The following DERL2 variants were observed in gnomAD, a reference collection of about 807,000 sequenced individuals.
DERL2 encodes derlin-2.
DERL2 carries 13 observed loss-of-function variants against 32.0 expected under a neutral mutation model. That is an observed-to-expected ratio of 0.41 (90% CI 0.26 to 0.65). DERL2 has a LOEUF of 0.65. DERL2 is among the 30% of genes least tolerant of loss of function. The probability of loss-of-function intolerance (pLI) is 0.35; values close to 1 mark genes in which losing one functional copy is unlikely to be tolerated. For missense variants in DERL2, 208 were observed against 296.3 expected (o/e 0.70, Z 2.19); for synonymous variants, 111 against 104.7 (o/e 1.06, Z -0.37).
intron 6 of DERL2, among the ~76,000 whole-genome samples, chr17:5,476,932 G>A (rs79406992): frequency 0.017 from 2,623 of 152,270 alleles, 80 homozygotes; most frequent in African/African-American, 0.059. Context: ...ATGTTAGCCC[G>A]AGTAGGATGG....
At chr17:5,477,109 G>C (rs564944958) in intron 6 of DERL2, among the ~76,000 whole-genome samples, 2 of 152,268 alleles carry the variant, frequency 1.3e-5, no homozygotes, top group East Asian at 3.9e-4. Flanking sequence ...GGTTAGGACA[G>C]ATGGAAAGGG....
Position 5,485,192 on chromosome 17 carries a change from GA to G in DERL2, c.117del (p.Gln40SerfsTer8). ...ATTAATTCAGGATTGAAGTACAACT[GA>G]AAAGGTGTGATCAATTCCAACTGCT... is the stretch of plus-strand genomic sequence containing the variant. ...AAVQLELITP[F>X]QLYFNPELIF... is the part of the protein sequence containing the mutation. On this transcript the variant is annotated frameshift_variant, in exon 2 of 7. Transcript: ENST00000158771. LOFTEE classifies it high-confidence loss of function. 3 of 1,597,208 alleles carry G rather than the reference GA, an allele frequency of 1.9e-6. No individual in the cohort carries two copies. The highest frequency in any genetic ancestry group is 3.6e-5 in the Admixed American group (2 of 56,254).
upstream of DERL2, chr17:5,486,342 G>T: frequency 2.3e-6 from 1 of 425,734 alleles, no homozygotes. Context: ...CCAATCACGA[G>T]TTGCGTCGCC....
At chr17:5,480,774 T>C (rs1905724706) in intron 4 of DERL2, 192 bp from the exon 5 acceptor site, 2 of 476,890 alleles carry the variant, frequency 4.2e-6, no homozygotes, top group Non-Finnish European at 7.2e-6. Context: ...TTAGGCTAAA[T>C]TATCGAGATT....
chr17:5,486,355 C>CT, upstream of DERL2: 1 of 427,746 alleles, frequency 2.3e-6, no homozygotes, highest in African/African-American at 2.6e-5. Flanking sequence ...GCGTCGCCAC[C>CT]GCCCCCCCCC....
intron 3 of DERL2, 49 bp downstream of exon 3, chr17:5,482,760 T>A: frequency 9.3e-7 from 1 of 1,073,542 alleles, no homozygotes. Context: ...CTTAATTTTT[T>A]ACTTCCTAAG....
At chr17:5,480,225 T>C (rs1433482998) in intron 5 of DERL2, 81 bp from the exon 6 acceptor site, 1 of 1,231,708 alleles carries the variant, frequency 8.1e-7, no homozygotes, top group Non-Finnish European at 1.2e-6. Flanking sequence ...AAATTGCCTA[T>C]ATTTAGGATG....
chr17:5,477,231 A>G (rs1403537255), intron 6 of DERL2, among the ~76,000 whole-genome samples: 1 of 152,244 alleles, frequency 6.6e-6, no homozygotes, highest in Non-Finnish European at 1.5e-5. Context: ...ATTATGTTGA[A>G]TGAAAGAAGC....
intron 2 of DERL2, among the ~76,000 whole-genome samples, chr17:5,484,742 G>A (rs1906043033): frequency 6.6e-6 from 1 of 152,350 alleles, no homozygotes; most frequent in East Asian, 1.9e-4. Flanking sequence ...CCTAGGTGCT[G>A]AATGGACAAA....
At chr17:5,477,173 A>T (rs989518665) in intron 6 of DERL2, among the ~76,000 whole-genome samples, 4 of 152,248 alleles carry the variant, frequency 2.6e-5, no homozygotes, top group Non-Finnish European at 5.9e-5. Flanking sequence ...AGCAATAAAA[A>T]GGAACAAATT....
intron 5 of DERL2, 26 bp from the exon 6 acceptor site, chr17:5,480,170 G>A (rs780577695): frequency 2.0e-6 from 3 of 1,500,394 alleles, no homozygotes; most frequent in South Asian, 2.3e-5. Context: ...AATAAAGGAT[G>A]AGGGAGAGAA....
At chr17:5,479,496 TAAA>T (rs11306765) in intron 6 of DERL2, among the ~76,000 whole-genome samples, 73 of 69,412 alleles carry the variant, frequency 1.1e-3, no homozygotes, top group Non-Finnish European at 1.3e-3. Context: ...AGACTCCATG[TAAA>T]AAAAAAAAAA....
intron 6 of DERL2, among the ~76,000 whole-genome samples, chr17:5,479,177 G>A (rs1422312935): frequency 1.3e-5 from 2 of 152,266 alleles, no homozygotes. Context: ...CTGTTCACAG[G>A]CGCAATCATA....
chr17:5,486,203 T>G (rs1370530517), upstream of DERL2: 8 of 1,165,866 alleles, frequency 6.9e-6, no homozygotes, highest in Non-Finnish European at 8.8e-6. Flanking sequence ...CCACCCCATT[T>G]CCCCTTCCGC....
At position 5,483,337 on chromosome 17, in the gene DERL2, T is replaced by A. The variant is rs541074539; in HGVS notation, c.160-455A>T. Reference sequence around the variant, plus strand: ...AAAAGAAAGGAAAATTCTTTTTTTTTAAACTAAAACTTAAAAAAAAAAAAA... The same window carrying A: ...AAAAGAAAGGAAAATTCTTTTTTTTAAAACTAAAACTTAAAAAAAAAAAAA... On this transcript the variant is annotated intron_variant, in intron 2 of 6. Coordinates refer to ENST00000158771, the MANE Select transcript of DERL2 (RefSeq NM_016041.5). Among the ~76,000 whole-genome samples, 143 of 148,540 alleles carry A rather than the reference T, an allele frequency of 9.6e-4. 1 individual carries two copies. In the Middle Eastern group the frequency reaches 0.01, roughly 11 times the overall value.
rs937493714 is a variant in DERL2 at position 5,481,076 on chromosome 17, A to C, written c.327+220T>G. 1 of 597,756 alleles carries C rather than the reference A, an allele frequency of 1.7e-6. No homozygotes were observed. The highest frequency in any genetic ancestry group is 1.9e-5 in the African/African-American group (1 of 53,540). The allele number at this position is 597,756 out of a possible 1,614,324, so 37.0% of individuals were successfully genotyped here. On this transcript the variant is annotated intron_variant, in intron 4 of 6. Transcript: ENST00000158771. The surrounding 1 kb of genome is among the most constrained non-coding windows in gnomAD (Gnocchi z 4.4). ...AAGTACGCCAAGCAGTAATGATATAACTGAGTTGCTTAACAGTAACCCACC... is the reference window on the plus strand; with the variant it reads ...AAGTACGCCAAGCAGTAATGATATACCTGAGTTGCTTAACAGTAACCCACC...
chr17:5,480,512 C>T lies in DERL2; in HGVS notation c.398G>A (p.Ser133Asn). ...AFTIMLVYVW[S>N]RRNPYVRMNF... ...CATGCGGACATAGGGGTTCCTTCGG[C>T]TCCACACATAGACGAGCATTATTGT... Residue 133 changes from serine (S) to asparagine (N), a missense_variant, in exon 5 of 7, where the codon AGC (serine) becomes AAC (asparagine). By Grantham distance (46) the Ser-to-Asn change is conservative (BLOSUM62 1). Coordinates refer to ENST00000158771, the MANE Select transcript of DERL2 (RefSeq NM_016041.5). The T allele has an allele frequency of 6.2e-7, 1 of 1,606,450 alleles. No individual in the cohort carries two copies. The highest frequency in any genetic ancestry group is 8.5e-7 in the Non-Finnish European group (1 of 1,177,910).
chr17:5,484,576 A>G (rs1906026654), intron 2 of DERL2, among the ~76,000 whole-genome samples: 1 of 152,216 alleles, frequency 6.6e-6, no homozygotes, highest in African/African-American at 2.4e-5. Flanking sequence ...ACTGGAAAGG[A>G]CCATCTCCCA....
At position 5,482,867 on chromosome 17, in the gene DERL2, T is replaced by C. The variant is rs1179824504; in HGVS notation, c.175A>G (p.Thr59Ala). 3 of 1,501,654 alleles carry C rather than the reference T, an allele frequency of 2.0e-6. No individual in the cohort carries two copies. Among genetic ancestry groups the C allele is most frequent in the Non-Finnish European group, 2.7e-6 (3 of 1,096,448 alleles). The allele number at this position is 1,501,654 out of a possible 1,614,324, so 93.0% of individuals were successfully genotyped here. ...FKHFQIWRLI[T>A]NFLFFGPVGF... ...ACTGGCCCAAAAAATAAGAAGTTGG[T>C]GATTAATCTCCATATCTGTTAAAAA... The change falls in exon 3 of 7, where the codon ACC (threonine) becomes GCC (alanine). Residue 59 changes from threonine (T) to alanine (A), a missense_variant. Thr to Ala is a moderately conservative substitution (Grantham distance 58). Coordinates refer to ENST00000158771, the MANE Select transcript of DERL2 (RefSeq NM_016041.5).
Sources: gnomAD v4.1 joint callset for allele counts (sites outside exome capture counted in the v4.1 genomes callset) on GRCh38, gnomAD v4.1.1 for gene constraint, Gnocchi (gnomAD v3.1) non-coding constraint, MANE v1.5 for transcripts, NCBI Gene and HGNC (gene_info 2026-07-23, HGNC 2026-07-21) for gene names.